TMEM106B: variants seen among roughly 807,000 people sequenced by gnomAD.
TMEM106B encodes the protein transmembrane protein 106B.
In TMEM106B, 15 loss-of-function variants were observed where a neutral mutation model predicts 31.1. The observed-to-expected ratio is 0.48, with a 90% confidence interval of 0.32 to 0.74. The LOEUF is 0.74. Ranked by LOEUF, TMEM106B falls within the 30% of genes least tolerant of loss-of-function variation. The probability of loss-of-function intolerance (pLI) is 0.03; values close to 1 mark genes in which losing one functional copy is unlikely to be tolerated. For synonymous variants in TMEM106B, 126 were observed against 112.5 expected (o/e 1.12, Z -0.76); for missense variants, 283 against 327.3 (o/e 0.86, Z 1.04).
At chr7:12,231,274 C>T (rs16877361) in intron 7 of TMEM106B, 159 bp downstream of exon 7, 58,088 of 545,150 alleles carry the variant, frequency 0.11, 3,564 homozygotes, top group African/African-American at 0.22. Flanking sequence ...TTAAAAATTA[C>T]GAAATGGTTG....
rs528279652 is a variant in TMEM106B, at chr7:12,228,498, G to A, written c.442-1181G>A. ...GATGGCTTCATAATATTCCATATAA[G>A]GACTTAATATAATTTATTCTTTCTT... On this transcript the variant is annotated intron_variant, in intron 4 of 7. Coordinates refer to ENST00000396668, the MANE Select transcript of TMEM106B (RefSeq NM_001134232.2). Among the ~76,000 whole-genome samples the A allele has an allele frequency of 7.4e-4, 112 of 151,646 alleles. 1 individual carries two copies. The highest frequency in any genetic ancestry group is 2.5e-3 in the African/African-American group (105 of 41,412).
chr7:12,224,122 T>C, intron 3 of TMEM106B, 104 bp from the exon 4 acceptor site: 2 of 1,044,096 alleles, frequency 1.9e-6, no homozygotes, highest in Non-Finnish European at 2.9e-6. Context: ...GCATCTTATA[T>C]ATGTTGCTGC....
At position 12,218,532 on chromosome 7, in the gene TMEM106B, C is replaced by T. The variant is rs1421275049; in HGVS notation, c.281+11C>T. On this transcript the variant is annotated intron_variant, in intron 3 of 7. Coordinates refer to ENST00000396668, the MANE Select transcript of TMEM106B (RefSeq NM_001134232.2). ...AAGGCCAAGAAGAACGTAAGTGATT[C>T]TAAGAATATGGCAGTGTTTTATGTT... 3.1e-6 allele frequency: 5 copies of T among 1,602,414 alleles called. No individual in the cohort carries two copies. Among genetic ancestry groups the T allele is most frequent in the Non-Finnish European group, 4.3e-6 (5 of 1,172,812 alleles).
At chr7:12,231,539 A>T (rs917131024) in intron 7 of TMEM106B, 6 of 272,190 alleles carry the variant, frequency 2.2e-5, no homozygotes, top group Non-Finnish European at 2.7e-5. Flanking sequence ...TTTTTCTATG[A>T]TAAGAGAACC....
At chr7:12,214,386 A>G (rs62435714) in intron 1 of TMEM106B, 23,223 of 154,248 alleles carry the variant, frequency 0.15, 2,102 homozygotes, top group South Asian at 0.22. Flanking sequence ...GCTGACTTCA[A>G]CTCCTCAGGT....
chr7:12,229,858 G>C, intron 5 of TMEM106B, 39 bp downstream of exon 5: 6 of 1,563,930 alleles, frequency 3.8e-6, no homozygotes, highest in Non-Finnish European at 5.2e-6. Flanking sequence ...AGAGTTAAAT[G>C]AATGTCAGCT....
chr7:12,242,772 T>C lies in TMEM106B; in HGVS notation c.*10797T>C, dbSNP rs1443532932. On this transcript the variant is annotated 3_prime_UTR_variant, in exon 8 of 8. Transcript: ENST00000396668. ...TAAAATACTGTTAATAGCTGGCTAT[T>C]TTGTAAGCCTGTATCTGGTTTAAAA... 7.2e-5 allele frequency: 11 copies of C among 152,162 alleles called. No individual in the cohort carries two copies. Among genetic ancestry groups the C allele is most frequent in the Non-Finnish European group, 1.5e-4 (10 of 68,008 alleles). 9.4% of individuals were successfully genotyped at this position (152,162 alleles called of 1,614,324 possible).
Position 12,214,885 on chromosome 7 carries a change from CATG to C in TMEM106B, c.77_79del (p.Met26del). ...CTTATGATGGAGTCACATCTGAAAACATGAGGAATGGACTGGTTAATAGTGAAG... is the reference window on the plus strand; with the variant it reads ...CTTATGATGGAGTCACATCTGAAAACAGGAATGGACTGGTTAATAGTGAAG... On this transcript the variant is annotated inframe_deletion, in exon 2 of 8. Coordinates refer to ENST00000396668, the MANE Select transcript of TMEM106B (RefSeq NM_001134232.2). The C allele has an allele frequency of 6.2e-7, 1 of 1,613,946 alleles. No individual in the cohort carries two copies. The highest frequency in any genetic ancestry group is 8.5e-7 in the Non-Finnish European group (1 of 1,179,922).
intron 6 of TMEM106B, 184 bp downstream of exon 6, chr7:12,230,622 C>T (rs1782002270): frequency 2.3e-6 from 1 of 432,550 alleles, no homozygotes; most frequent in African/African-American, 2.1e-5. Context: ...TATATATACA[C>T]ATAAAATTTG....
In TMEM106B at chr7:12,237,814, CAT is replaced by C. The variant is rs57387547; in HGVS notation, c.*5841_*5842del. On this transcript the variant is annotated 3_prime_UTR_variant, in exon 8 of 8. Transcript: ENST00000396668. ...GGCGAGACCCCATATAAAATATATA[CAT>C]ACACACACACACACACACACACACA... The C allele has an allele frequency of 0.1, 9,190 of 89,658 alleles. 330 individuals are homozygous for C. The highest frequency in any genetic ancestry group is 0.14 in the African/African-American group (2,340 of 16,294). 5.6% of individuals were successfully genotyped at this position (89,658 alleles called of 1,614,324 possible).
chr7:12,231,893 A>C lies in TMEM106B; in HGVS notation c.743A>C (p.Tyr248Ser). The stretch of plus-strand genomic sequence containing the variant: ...TCTGAACAGATATCCCAGGAGAGGT[A>C]TCAGTATGTCGACTGTGGAAGAAAC... ...GHSEQISQER[Y>S]QYVDCGRNTT... The change falls in exon 8 of 8, where the codon TAT (tyrosine) becomes TCT (serine). Residue 248 changes from tyrosine to serine, a missense_variant. Transcript: ENST00000396668. The C allele has an allele frequency of 1.2e-6, 2 of 1,612,404 alleles. No homozygotes were observed. The highest frequency in any genetic ancestry group is 1.7e-6 in the Non-Finnish European group (2 of 1,178,806).
At chr7:12,215,609 A>G in intron 2 of TMEM106B, 1 of 372,314 alleles carries the variant, frequency 2.7e-6, no homozygotes, top group African/African-American at 2.1e-5. Flanking sequence ...ATAAGGATGG[A>G]GTTTCCCCAT....
At position 12,214,943 on chromosome 7, in the gene TMEM106B, G is replaced by A. The variant is rs1781658095; in HGVS notation, c.133G>A (p.Val45Ile). 6.2e-7 allele frequency: 1 copy of A among 1,614,084 alleles called. No homozygotes were observed. The highest frequency in any genetic ancestry group is 1.1e-5 in the South Asian group (1 of 91,084). The stretch of plus-strand genomic sequence containing the variant: ...TAATGAAGATGGAAGAAATGGAGAT[G>A]TCTCTCAGTTTCCATATGTGGAATT... ...VHNEDGRNGD[V>I]SQFPYVEFTG... is the part of the protein sequence containing the mutation. Residue 45 changes from valine (V) to isoleucine (I), a missense_variant, in exon 2 of 8, where the codon GTC (valine) becomes ATC (isoleucine). By Grantham distance (29) the Val-to-Ile change is conservative (BLOSUM62 3). Coordinates refer to ENST00000396668, the MANE Select transcript of TMEM106B (RefSeq NM_001134232.2).
chr7:12,218,170 T>G (rs1781723935), intron 2 of TMEM106B, among the ~76,000 whole-genome samples: 1 of 152,110 alleles, frequency 6.6e-6, no homozygotes, highest in Non-Finnish European at 1.5e-5. Flanking sequence ...CCTGGTAAAT[T>G]TAGCTCTTCT....
intron 4 of TMEM106B, among the ~76,000 whole-genome samples, chr7:12,228,776 G>C (rs1781955691): frequency 6.6e-6 from 1 of 152,064 alleles, no homozygotes; most frequent in Admixed American, 6.5e-5. Context: ...ATAGAATTTG[G>C]TGCTTTCTAT....
chr7:12,216,048 A>G (rs959762529), intron 2 of TMEM106B, among the ~76,000 whole-genome samples: 2 of 152,204 alleles, frequency 1.3e-5, no homozygotes, highest in Non-Finnish European at 1.5e-5. Context: ...GTACCTTTTT[A>G]AGATGCTTAA....
chr7:12,238,710 T>C lies in TMEM106B; in HGVS notation c.*6735T>C, dbSNP rs1398921009. The C allele has an allele frequency of 1.3e-5, 2 of 152,156 alleles. No individual in the cohort carries two copies. The highest frequency in any genetic ancestry group is 3.9e-4 in the East Asian group (2 of 5,190). 9.4% of individuals were successfully genotyped at this position (152,156 alleles called of 1,614,324 possible). A position where few individuals can be genotyped will look rare whatever the true frequency, so the allele number is the denominator to read the frequency against. On this transcript the variant is annotated 3_prime_UTR_variant, in exon 8 of 8. Transcript: ENST00000396668. ...TAATCTATTTGTACATCATCAGAGC[T>C]GTTGGGTGACCAGGTACATTGTCAA...
chr7:12,230,611 G>C, intron 6 of TMEM106B, 173 bp downstream of exon 6: 1 of 458,704 alleles, frequency 2.2e-6, no homozygotes, highest in Non-Finnish European at 3.8e-6. Context: ...TAATATTCAT[G>C]TATATATACA....
chr7:12,231,189 C>A, intron 7 of TMEM106B, 74 bp downstream of exon 7: 1 of 1,127,876 alleles, frequency 8.9e-7, no homozygotes, highest in Non-Finnish European at 1.3e-6. Flanking sequence ...TTATAATATA[C>A]ACAACATCTT....
Sources: allele counts gnomAD v4.1 joint callset (sites outside exome capture counted in the v4.1 genomes callset), GRCh38; gene constraint gnomAD v4.1.1; transcripts MANE v1.5; gene names NCBI Gene and HGNC (gene_info 2026-07-23, HGNC 2026-07-21).